INSL6: variants seen among roughly 807,000 people sequenced by gnomAD.
The protein encoded by INSL6 is insulin-like peptide INSL6.
INSL6 carries 16 observed loss-of-function variants against 9.4 expected under a neutral mutation model. The observed-to-expected ratio is 1.70, with a 90% confidence interval of 1.15 to 2.59. The LOEUF (loss-of-function observed/expected upper bound fraction) is 2.59. INSL6 is among the 30% of genes most tolerant of loss of function. INSL6 has a pLI of 0.00. For synonymous variants in INSL6, 154 were observed against 96.9 expected (o/e 1.59, Z -3.46); for missense variants, 391 against 257.3 (o/e 1.52, Z -3.56).
the INSL6 span, chr9:5,111,737 C>T: frequency 1.4e-5 from 6 of 428,124 alleles, 1 homozygote; most frequent in Admixed American, 5.4e-5. Context: ...CGTGGGCTAC[C>T]GGCTGCACGG....
At chr9:5,065,167 G>C in the INSL6 span, 5 of 505,114 alleles carry the variant, frequency 9.9e-6, no homozygotes, top group Non-Finnish European at 1.3e-5. Context: ...TAAACAAAAG[G>C]CTATTTGCAA....
the INSL6 span, chr9:5,073,691 TC>T: frequency 6.2e-7 from 1 of 1,600,918 alleles, no homozygotes; most frequent in Non-Finnish European, 8.5e-7. Flanking sequence ...CTTTTTTTTT[TC>T]CTTAGTCTTT....
chr9:5,046,001 C>A, the INSL6 span, among the ~76,000 whole-genome samples: 2 of 152,146 alleles, frequency 1.3e-5, no homozygotes, highest in Non-Finnish European at 2.9e-5. Flanking sequence ...TTCAGTCCTA[C>A]CAGCAGTGCA....
the INSL6 span, chr9:5,066,764 A>G: frequency 6.4e-7 from 1 of 1,561,600 alleles, no homozygotes; most frequent in Non-Finnish European, 8.7e-7. Flanking sequence ...GACTTTAATA[A>G]ATATTTTTTG....
At chr9:5,183,428 G>A (rs1164484246) in intron 1 of INSL6, among the ~76,000 whole-genome samples, 2 of 152,124 alleles carry the variant, frequency 1.3e-5, no homozygotes. Context: ...TACAAGTCTT[G>A]TTTCATTGCA....
chr9:5,142,289 T>C (rs1451587372), intron 2 of INSL6, among the ~76,000 whole-genome samples: 1 of 152,214 alleles, frequency 6.6e-6, no homozygotes, highest in Non-Finnish European at 1.5e-5. Flanking sequence ...ACTGAATCTG[T>C]AGATTGCTTT....
chr9:5,103,164 G>T, the INSL6 span, among the ~76,000 whole-genome samples: 2 of 121,390 alleles, frequency 1.6e-5, no homozygotes, highest in Middle Eastern at 6.4e-3. Flanking sequence ...CATGTGCAGA[G>T]AAACACATGG....
intron 3 of INSL6, chr9:5,126,631 T>TA: frequency 1.6e-6 from 2 of 1,286,748 alleles, no homozygotes; most frequent in Non-Finnish European, 2.2e-6. Context: ...TTCCACCAAT[T>TA]AAAAGATGGC....
chr9:5,180,495 G>C (rs1216433527), intron 1 of INSL6, among the ~76,000 whole-genome samples: 1 of 152,114 alleles, frequency 6.6e-6, no homozygotes, highest in East Asian at 1.9e-4. Flanking sequence ...AGGAATATTA[G>C]TATTAATACC....
At chr9:5,075,198 A>T in the INSL6 span, among the ~76,000 whole-genome samples, 286 of 152,274 alleles carry the variant, frequency 1.9e-3, no homozygotes, top group Non-Finnish European at 1.5e-3. Flanking sequence ...GCATAAGTGC[A>T]AGGTGAAGCA....
chr9:5,034,764 T>A, the INSL6 span, among the ~76,000 whole-genome samples: 1 of 151,788 alleles, frequency 6.6e-6, no homozygotes, highest in Non-Finnish European at 1.5e-5. Flanking sequence ...TTTATAGCAC[T>A]AAAGGCCCAC....
intron 1 of INSL6, among the ~76,000 whole-genome samples, chr9:5,170,656 A>G (rs1191262080): frequency 6.6e-6 from 1 of 151,894 alleles, no homozygotes; most frequent in African/African-American, 2.4e-5. Flanking sequence ...GATAAAGGGG[A>G]TATCACCACT....
chr9:5,102,943 C>A, the INSL6 span, among the ~76,000 whole-genome samples: 1 of 151,954 alleles, frequency 6.6e-6, no homozygotes, highest in Admixed American at 6.5e-5. Flanking sequence ...CAAAAACATA[C>A]CAAATTGTAA....
the INSL6 span, chr9:5,112,015 G>C: frequency 2.5e-6 from 1 of 400,696 alleles, no homozygotes; most frequent in Non-Finnish European, 5.0e-6. Flanking sequence ...CACTAGCCTG[G>C]AGCAGGAGTC....
At chr9:5,173,417 T>TA (rs1229985598) in intron 1 of INSL6, among the ~76,000 whole-genome samples, 3 of 152,188 alleles carry the variant, frequency 2.0e-5, no homozygotes, top group Non-Finnish European at 2.9e-5. Flanking sequence ...CACCATGGAA[T>TA]ACTATGTAGC....
chr9:5,173,090 T>A (rs563653743), intron 1 of INSL6, among the ~76,000 whole-genome samples: 3 of 152,136 alleles, frequency 2.0e-5, no homozygotes, highest in African/African-American at 7.2e-5. Context: ...ACAGTCAGAA[T>A]AGCAATTATT....
chr9:5,177,711 G>T (rs534904380), intron 1 of INSL6, among the ~76,000 whole-genome samples: 2 of 152,156 alleles, frequency 1.3e-5, no homozygotes, highest in Non-Finnish European at 2.9e-5. Context: ...CACCTGAAAC[G>T]GGACAGAGTT....
At chr9:4,994,415 A>G in the INSL6 span, among the ~76,000 whole-genome samples, 1 of 152,194 alleles carries the variant, frequency 6.6e-6, no homozygotes, top group Non-Finnish European at 1.5e-5. Context: ...AGTTTGTTTC[A>G]TTAGCTCTGG....
the INSL6 span, chr9:5,111,103 A>G: frequency 8.2e-7 from 1 of 1,223,138 alleles, no homozygotes; most frequent in Non-Finnish European, 1.1e-6. Flanking sequence ...CGGCGACCAG[A>G]ACAGCTCCTC....
Sources: gnomAD v4.1 joint callset for allele counts (sites outside exome capture counted in the v4.1 genomes callset) on GRCh38, gnomAD v4.1.1 for gene constraint, MANE v1.5 for transcripts, NCBI Gene and HGNC (gene_info 2026-07-23, HGNC 2026-07-21) for gene names.